Variants in AFG1L observed in about 807,000 individuals in gnomAD.
AFG1L encodes the protein AFG1-like ATPase.
A neutral mutation model predicts 62.2 loss-of-function variants in AFG1L; 53 were observed. That is an observed-to-expected ratio of 0.85 (90% CI 0.68 to 1.07). AFG1L has a LOEUF of 1.07. Ranked by LOEUF, AFG1L falls within the 50% of genes least tolerant of loss-of-function variation. The pLI is 0.00. For missense variants in AFG1L, 555 were observed against 590.5 expected (o/e 0.94, Z 0.62); for synonymous variants, 228 against 210.3 (o/e 1.08, Z -0.73).
chr6:108,366,372 G>T, intron 6 of AFG1L, 40 bp downstream of exon 6: 1 of 1,241,074 alleles, frequency 8.1e-7, no homozygotes. Context: ...CAATTAGGTG[G>T]AAACTAACAA....
At chr6:108,402,459 G>A (rs1204168014) in intron 7 of AFG1L, among the ~76,000 whole-genome samples, 4 of 115,214 alleles carry the variant, frequency 3.5e-5, no homozygotes, top group Non-Finnish European at 6.6e-5. Context: ...GCGAGACGCC[G>A]TCTCGAATAA....
chr6:108,301,515 G>A (rs1390050776), intron 1 of AFG1L, among the ~76,000 whole-genome samples: 1 of 152,226 alleles, frequency 6.6e-6, no homozygotes, highest in Non-Finnish European at 1.5e-5. Context: ...TCAGGGTAGA[G>A]AGGAGCTCAG....
intron 2 of AFG1L, 96 bp from the exon 3 acceptor site, chr6:108,346,892 C>G (rs1157528009): frequency 1.1e-6 from 1 of 899,534 alleles, no homozygotes; most frequent in East Asian, 2.5e-5. Context: ...AATAGCCCCT[C>G]TTGGTTCTGT....
rs561304979 is a variant in AFG1L at position 108,305,073 on chromosome 6, A to T, written c.139+9855A>T. ...TCTTTTGAAAACTGTAAGAAATGTTACATAAATGTATGTAATTGAAATATT... is the reference window on the plus strand; with the variant it reads ...TCTTTTGAAAACTGTAAGAAATGTTTCATAAATGTATGTAATTGAAATATT... On this transcript the variant is annotated intron_variant, in intron 1 of 12. Transcript: ENST00000368977. Among the ~76,000 whole-genome samples, 29 of 152,372 alleles carry T rather than the reference A, an allele frequency of 1.9e-4. No individual in the cohort carries two copies. In the South Asian group the frequency reaches 5.8e-3, roughly 30 times the overall value.
At chr6:108,448,952 C>T (rs997054295) in intron 8 of AFG1L, among the ~76,000 whole-genome samples, 6 of 151,910 alleles carry the variant, frequency 3.9e-5, no homozygotes, top group Non-Finnish European at 7.4e-5. Context: ...GAGTTTGAAA[C>T]CAGCTGGGCA....
chr6:108,328,116 AT>A (rs766655995), intron 2 of AFG1L, among the ~76,000 whole-genome samples: 4 of 152,246 alleles, frequency 2.6e-5, no homozygotes, highest in Non-Finnish European at 5.9e-5. Flanking sequence ...AATTTGAAAA[AT>A]ATAGACTGCT....
intron 8 of AFG1L, among the ~76,000 whole-genome samples, chr6:108,472,215 A>G (rs1772924123): frequency 6.6e-6 from 1 of 152,188 alleles, no homozygotes; most frequent in Non-Finnish European, 1.5e-5. Flanking sequence ...ATGGGGGTTG[A>G]GTGAGGAGAA....
intron 6 of AFG1L, among the ~76,000 whole-genome samples, chr6:108,397,208 A>C (rs758089936): frequency 6.6e-6 from 1 of 151,722 alleles, no homozygotes; most frequent in Admixed American, 6.6e-5. Flanking sequence ...TTTTTTTGCA[A>C]TCTCCACCTT....
chr6:108,363,741 A>G (rs899388776), intron 5 of AFG1L, among the ~76,000 whole-genome samples: 1 of 152,152 alleles, frequency 6.6e-6, no homozygotes. Context: ...GCAGAAGATC[A>G]TGCAAAATTC....
At chr6:108,366,191 A>G in intron 5 of AFG1L, 42 bp from the exon 6 acceptor site, 7 of 1,255,344 alleles carry the variant, frequency 5.6e-6, no homozygotes, top group Non-Finnish European at 8.0e-6. Flanking sequence ...TTGTTACAGC[A>G]GAAGTGAAAT....
intron 7 of AFG1L, among the ~76,000 whole-genome samples, chr6:108,414,582 T>C (rs139866519): frequency 0.023 from 3,434 of 152,276 alleles, 51 homozygotes; most frequent in South Asian, 0.041. Context: ...CATGATCAAG[T>C]TGGCTTCTTC....
chr6:108,515,553 G>T (rs1340072242), intron 11 of AFG1L, among the ~76,000 whole-genome samples: 1 of 152,118 alleles, frequency 6.6e-6, no homozygotes, highest in Admixed American at 6.6e-5. Flanking sequence ...AAGCAGGAAA[G>T]ATCTAAAATT....
intron 7 of AFG1L, among the ~76,000 whole-genome samples, chr6:108,438,383 A>G (rs919403255): frequency 3.9e-5 from 6 of 152,176 alleles, no homozygotes; most frequent in Admixed American, 2.0e-4. Flanking sequence ...GGGTACACAC[A>G]TAACTGTATC....
At chr6:108,478,862 T>C (rs1773227677) in intron 10 of AFG1L, among the ~76,000 whole-genome samples, 2 of 152,136 alleles carry the variant, frequency 1.3e-5, no homozygotes, top group South Asian at 4.1e-4. Flanking sequence ...AGGCCACTTA[T>C]CAGGAACCAA....
At chr6:108,465,379 CAGTTTG>C (rs1772625268) in intron 8 of AFG1L, among the ~76,000 whole-genome samples, 1 of 152,162 alleles carries the variant, frequency 6.6e-6, no homozygotes, top group Non-Finnish European at 1.5e-5. Flanking sequence ...ATTATGTTTA[CAGTTTG>C]AGTTTAATTT....
intron 3 of AFG1L, among the ~76,000 whole-genome samples, chr6:108,351,751 TC>T (rs1779088647): frequency 6.6e-6 from 1 of 152,052 alleles, no homozygotes; most frequent in Non-Finnish European, 1.5e-5. Context: ...CATAAAATTT[TC>T]CCTTTTAAAC....
intron 7 of AFG1L, among the ~76,000 whole-genome samples, chr6:108,402,646 G>A (rs1781684766): frequency 6.6e-6 from 1 of 151,836 alleles, no homozygotes; most frequent in African/African-American, 2.4e-5. Context: ...CTGAAACATT[G>A]AATAGTTTGC....
chr6:108,388,696 T>A (rs1191530288), intron 6 of AFG1L, among the ~76,000 whole-genome samples: 2 of 150,344 alleles, frequency 1.3e-5, no homozygotes, highest in African/African-American at 2.4e-5. Context: ...TTTGAGTGAG[T>A]TTCTTAATCC....
intron 1 of AFG1L, among the ~76,000 whole-genome samples, chr6:108,323,059 T>G (rs1236436783): frequency 6.6e-6 from 1 of 152,160 alleles, no homozygotes; most frequent in South Asian, 2.1e-4. Context: ...GAAATCGATG[T>G]GGTAATATCT....
Sources: allele counts gnomAD v4.1 joint callset (sites outside exome capture counted in the v4.1 genomes callset), GRCh38; gene constraint gnomAD v4.1.1; transcripts MANE v1.5; gene names NCBI Gene and HGNC (gene_info 2026-07-23, HGNC 2026-07-21).